Variants in DNAH2 observed in about 807,000 individuals in gnomAD.
The protein encoded by DNAH2 is axonemal beta dynein heavy chain 2.
In DNAH2, 323 loss-of-function variants were observed where a neutral mutation model predicts 523.5. The ratio of observed to expected loss-of-function variants is 0.62; its 90% confidence interval spans 0.56 to 0.68. The LOEUF (loss-of-function observed/expected upper bound fraction) is 0.68. DNAH2 is among the 30% of genes least tolerant of loss of function. The pLI, the probability that DNAH2 is intolerant of heterozygous loss-of-function variation, is 0.00. For synonymous variants in DNAH2, 2,093 were observed against 2,177.4 expected (o/e 0.96, Z 1.08); for missense variants, 4,907 against 5,701.5 (o/e 0.86, Z 4.49).
At chr17:7,745,651 A>G (rs2075495240) in intron 12 of DNAH2, among the ~76,000 whole-genome samples, 1 of 152,006 alleles carries the variant, frequency 6.6e-6, no homozygotes, top group Non-Finnish European at 1.5e-5. Context: ...TTAGCCGGGC[A>G]TAGTGGTGCA....
intron 12 of DNAH2, among the ~76,000 whole-genome samples, chr17:7,750,809 G>A (rs890445138): frequency 6.6e-6 from 1 of 152,180 alleles, no homozygotes; most frequent in Non-Finnish European, 1.5e-5. Context: ...CTTAAAGCCT[G>A]TATCACAAAT....
Position 7,759,272 on chromosome 17 carries a change from C to A in DNAH2, c.2448+148C>A. 3.5e-6 allele frequency: 5 copies of A among 1,427,568 alleles called. No individual in the cohort carries two copies. The South Asian group carries it at 6.9e-5, about 20-fold the overall frequency. 88.4% of individuals were successfully genotyped at this position (1,427,568 alleles called of 1,614,324 possible). On this transcript the variant is annotated intron_variant, in intron 15 of 85. Transcript: ENST00000572933. ...TGCTCTAGTCTTGGACTCAGCCAAC[C>A]TTCAGTCCTCACACCTCTTCCTCCA...
chr17:7,796,758 ACC>A lies in DNAH2; in HGVS notation c.7863+110_7863+111del, dbSNP rs149444599. On this transcript the variant is annotated intron_variant, in intron 50 of 85. Coordinates refer to ENST00000572933, the MANE Select transcript of DNAH2 (RefSeq NM_020877.5). Reference sequence around the variant, plus strand: ...CTCACTAGCATGCGCACCAAAAGTCACCCCCATGCTGAAGTGCCACACTCCCT... The same window carrying A: ...CTCACTAGCATGCGCACCAAAAGTCACCCATGCTGAAGTGCCACACTCCCT... The A allele has an allele frequency of 9.2e-4, 1,184 of 1,285,320 alleles. 1 individual carries two copies. Among genetic ancestry groups the A allele is most frequent in the Non-Finnish European group, 1.2e-3 (1,115 of 951,180 alleles). 79.6% of individuals were successfully genotyped at this position (1,285,320 alleles called of 1,614,324 possible).
rs1315728979 is a variant in DNAH2, at chr17:7,718,359, T to C, written c.-455T>C. ...CAGAACGTTTTTCCTTGGAGCAAAG[T>C]ACAAATCCTTCAAGTTTGAAATTCA... On this transcript the variant is annotated 5_prime_UTR_variant, in exon 1 of 86. Coordinates refer to ENST00000572933, the MANE Select transcript of DNAH2 (RefSeq NM_020877.5). 1.3e-5 allele frequency: 2 copies of C among 152,190 alleles called. No homozygotes were observed. Among genetic ancestry groups the C allele is most frequent in the Non-Finnish European group, 2.9e-5 (2 of 68,044 alleles). 9.4% of individuals were successfully genotyped at this position (152,190 alleles called of 1,614,324 possible). A position where few individuals can be genotyped will look rare whatever the true frequency, so the allele number is the denominator to read the frequency against.
chr17:7,771,896 T>A (rs2076327464), intron 28 of DNAH2, among the ~76,000 whole-genome samples: 1 of 152,052 alleles, frequency 6.6e-6, no homozygotes, highest in Non-Finnish European at 1.5e-5. Flanking sequence ...TTTTTATTTT[T>A]AGTAGAGATG....
chr17:7,767,461 G>A (rs2076200208), intron 22 of DNAH2, among the ~76,000 whole-genome samples: 1 of 151,986 alleles, frequency 6.6e-6, no homozygotes, highest in Non-Finnish European at 1.5e-5. Context: ...GCCTAGGGGT[G>A]GAATTGCTAG....
chr17:7,806,658 C>CAA (rs66460228), intron 61 of DNAH2, among the ~76,000 whole-genome samples: 51 of 60,452 alleles, frequency 8.4e-4, no homozygotes, highest in East Asian at 1.4e-3. Flanking sequence ...CACTCCATCT[C>CAA]AAAAAAAAAA....
At position 7,737,242 on chromosome 17, in the gene DNAH2, C is replaced by A. The variant is rs528764653; in HGVS notation, c.1154C>A (p.Thr385Asn). 1 of 1,613,968 alleles carries A rather than the reference C, an allele frequency of 6.2e-7. No individual in the cohort carries two copies. The highest frequency in any genetic ancestry group is 1.3e-5 in the African/African-American group (1 of 75,034). Residue 385 changes from threonine (T) to asparagine (N), a missense_variant, in exon 8 of 86, where the codon ACC becomes AAC. By Grantham distance (65) the Thr-to-Asn change is moderately conservative. Around this residue, in one of 3 missense-constraint regions of DNAH2, gnomAD observed 2,806 missense variants for 3,190.8 expected, o/e 0.88. Coordinates refer to ENST00000572933, the MANE Select transcript of DNAH2 (RefSeq NM_020877.5). ...SPHYNTRERL[T>N]SLFRKVCDCQ... ...CACTACAACACTCGGGAGAGACTGA[C>A]CTCGCTCTTCCGAAAGGTGTGCATA...
chr17:7,779,381 A>G lies in DNAH2; in HGVS notation c.5680A>G (p.Asn1894Asp). 1 of 1,613,974 alleles carries G rather than the reference A, an allele frequency of 6.2e-7. No individual in the cohort carries two copies. Among genetic ancestry groups the G allele is most frequent in the Non-Finnish European group, 8.5e-7 (1 of 1,179,978 alleles). ...THFHFDGFEI[N>D]LVWSCGIFIT... is the part of the protein sequence containing the mutation. Reference sequence around the variant, plus strand: ...TTTCCATTTTGATGGCTTTGAAATAAATCTGGTGTGGTCCTGTGGGATCTT... The same window carrying G: ...TTTCCATTTTGATGGCTTTGAAATAGATCTGGTGTGGTCCTGTGGGATCTT... The change falls in exon 36 of 86, where the codon AAT becomes GAT. Residue 1894 changes from asparagine to aspartate, a missense_variant. By Grantham distance (23) the Asn-to-Asp change is conservative. Around this residue, in one of 3 missense-constraint regions of DNAH2, gnomAD observed 2,806 missense variants for 3,190.8 expected, o/e 0.88. Coordinates refer to ENST00000572933, the MANE Select transcript of DNAH2 (RefSeq NM_020877.5).
At position 7,798,808 on chromosome 17, in the gene DNAH2, GC is replaced by G; in HGVS notation, c.8559+91del. 1 of 1,441,618 alleles carries G rather than the reference GC, an allele frequency of 6.9e-7. No individual in the cohort carries two copies. The highest frequency in any genetic ancestry group is 9.5e-7 in the Non-Finnish European group (1 of 1,057,520). 89.3% of individuals were successfully genotyped at this position (1,441,618 alleles called of 1,614,324 possible). Reference sequence around the variant, plus strand: ...CCACAGCTCCCAGAATGTGCCACTGGCACACCCCCACTGCCACACCCCCACT... The same window carrying G: ...CCACAGCTCCCAGAATGTGCCACTGGACACCCCCACTGCCACACCCCCACT... On this transcript the variant is annotated intron_variant, in intron 55 of 85. Transcript: ENST00000572933. This position sits in a 1 kb window ranked among gnomAD's most constrained non-coding sequence, Gnocchi z 5.5.
intron 58 of DNAH2, among the ~76,000 whole-genome samples, 169 bp from the exon 59 acceptor site, chr17:7,804,087 C>A (rs1043190395): frequency 2.6e-5 from 4 of 152,142 alleles, no homozygotes; most frequent in African/African-American, 4.8e-5. Flanking sequence ...AAGCTGTTGG[C>A]AATGACCCAG....
chr17:7,829,044 G>T (rs75076184), intron 77 of DNAH2, among the ~76,000 whole-genome samples: 59 of 131,986 alleles, frequency 4.5e-4, no homozygotes, highest in African/African-American at 3.6e-4. Context: ...TTTTTTTTTT[G>T]AGACAGAGTC....
chr17:7,727,627 A>G (rs956765643), intron 4 of DNAH2, among the ~76,000 whole-genome samples: 1 of 152,062 alleles, frequency 6.6e-6, no homozygotes, highest in Middle Eastern at 3.4e-3. Context: ...GTGGTGGTGC[A>G]CACCTGTAAT....
intron 77 of DNAH2, among the ~76,000 whole-genome samples, chr17:7,826,874 T>C (rs1005120530): frequency 2.0e-5 from 3 of 152,028 alleles, no homozygotes; most frequent in African/African-American, 7.3e-5. Flanking sequence ...TCCCAGCATT[T>C]TCTTTGAAGT....
intron 44 of DNAH2, among the ~76,000 whole-genome samples, chr17:7,790,851 T>C (rs2076877251): frequency 1.3e-5 from 2 of 151,804 alleles, no homozygotes; most frequent in African/African-American, 4.8e-5. Context: ...AGATTACAGA[T>C]GCACACCACC....
chr17:7,831,555 G>C lies in DNAH2; in HGVS notation c.12611+14G>C, dbSNP rs757001008. The C allele has an allele frequency of 6.2e-7, 1 of 1,614,090 alleles. No individual in the cohort carries two copies. Among genetic ancestry groups the C allele is most frequent in the Non-Finnish European group, 8.5e-7 (1 of 1,179,992 alleles). On this transcript the variant is annotated intron_variant, in intron 81 of 85. Coordinates refer to ENST00000572933, the MANE Select transcript of DNAH2 (RefSeq NM_020877.5). The surrounding 1 kb of genome is among the most constrained non-coding windows in gnomAD (Gnocchi z 4.2). ...GCAGACCATCCTGTAAGACAGAGGG[G>C]GACTCTGCGGAACAGGGGAGGGTGT... is the stretch of plus-strand genomic sequence containing the variant.
At chr17:7,755,343 TTTCCCACAATGACCTTCTCC>T (rs2075807423) in intron 12 of DNAH2, among the ~76,000 whole-genome samples, 3 of 2,992 alleles carry the variant, frequency 1.0e-3, no homozygotes, top group Non-Finnish European at 4.3e-3. Flanking sequence ...TTCTCCAGCC[TTTCCCACAATGACCTTCTCC>T]AGCCTTTCCC....
At chr17:7,739,983 G>A in intron 9 of DNAH2, 45 bp downstream of exon 9, 1 of 1,587,844 alleles carries the variant, frequency 6.3e-7, no homozygotes, top group East Asian at 2.3e-5. Flanking sequence ...AGGGAAGGCA[G>A]ATCAGGCAGC....
chr17:7,723,163 G>T (rs1168393069), intron 2 of DNAH2, among the ~76,000 whole-genome samples: 2 of 150,392 alleles, frequency 1.3e-5, no homozygotes, highest in African/African-American at 4.9e-5. Flanking sequence ...GTAGAGACGG[G>T]GTTTCACCGT....
Sources: gnomAD v4.1 joint callset for allele counts (sites outside exome capture counted in the v4.1 genomes callset) on GRCh38, gnomAD v4.1.1 for gene constraint, gnomAD v4.1.1 regional missense constraint, Gnocchi (gnomAD v3.1) non-coding constraint, MANE v1.5 for transcripts, NCBI Gene and HGNC (gene_info 2026-07-23, HGNC 2026-07-21) for gene names.